ADAM7: variants seen among roughly 807,000 people sequenced by gnomAD.
The protein encoded by ADAM7 is ADAM metallopeptidase domain 7.
In ADAM7, 97 loss-of-function variants were observed where a neutral mutation model predicts 102.9. The observed-to-expected ratio is 0.94, with a 90% CI of 0.80 to 1.12. ADAM7 has a LOEUF of 1.12. Ranked by LOEUF, ADAM7 falls within the 50% of genes most tolerant of loss-of-function variation. The pLI is 0.00. For synonymous variants in ADAM7, 334 were observed against 304.4 expected (o/e 1.10, Z -1.01); for missense variants, 991 against 908.7 (o/e 1.09, Z -1.16).
chr8:24,481,242 C>T (rs1209739966), intron 8 of ADAM7, among the ~76,000 whole-genome samples: 1 of 152,104 alleles, frequency 6.6e-6, no homozygotes, highest in Non-Finnish European at 1.5e-5. Flanking sequence ...CCTCTACTGA[C>T]ACATGGAATT....
At position 24,507,464 on chromosome 8, in the gene ADAM7, A is replaced by T. The variant is rs968558041; in HGVS notation, c.2209-16A>T. ...TCTGATGTGGCACATGATACAACAT[A>T]ATTTATTTATTATAGAAACCTGCAA... On this transcript the variant is annotated splice_polypyrimidine_tract_variant and intron_variant, in intron 20 of 21. Transcript: ENST00000175238. 3.1e-6 allele frequency: 5 copies of T among 1,603,414 alleles called. No homozygotes were observed. The highest frequency in any genetic ancestry group is 1.1e-5 in the South Asian group (1 of 90,802).
chr8:24,507,179 GT>G (rs1334368101), intron 20 of ADAM7, among the ~76,000 whole-genome samples: 4 of 152,016 alleles, frequency 2.6e-5, no homozygotes, highest in Non-Finnish European at 1.5e-5. Flanking sequence ...CTTTAAAAGT[GT>G]TTGAAAATCT....
intron 14 of ADAM7, 88 bp from the exon 15 acceptor site, chr8:24,492,407 A>G: frequency 2.1e-6 from 2 of 973,768 alleles, no homozygotes; most frequent in Non-Finnish European, 3.1e-6. Context: ...TGATTCTGAA[A>G]GTTTAATTAC....
chr8:24,478,896 A>T (rs1819857022), intron 8 of ADAM7, among the ~76,000 whole-genome samples: 1 of 152,162 alleles, frequency 6.6e-6, no homozygotes, highest in Admixed American at 6.6e-5. Flanking sequence ...TTGCTAGGTC[A>T]TTAACATGCG....
chr8:24,454,537 T>G (rs1233888213), intron 3 of ADAM7, among the ~76,000 whole-genome samples: 1 of 152,142 alleles, frequency 6.6e-6, no homozygotes, highest in African/African-American at 2.4e-5. Context: ...AGTGACCCGA[T>G]TTTGCAGGTG....
In ADAM7 at chr8:24,501,539, G is replaced by C; in HGVS notation, c.2171G>C (p.Arg724Thr). Reference protein sequence around the residue: ...KGYFGDEQQIRTEPILPEIHF... With the variant: ...KGYFGDEQQITTEPILPEIHF... ...TACTTTGGTGATGAGCAGCAGATAAGGACTGAGCCAATCCTGCCAGAAATT... is the reference window on the plus strand; with the variant it reads ...TACTTTGGTGATGAGCAGCAGATAACGACTGAGCCAATCCTGCCAGAAATT... Residue 724 changes from arginine (R) to threonine (T), a missense_variant, in exon 20 of 22, where the codon AGG (arginine) becomes ACG (threonine). Arg to Thr is a moderately conservative substitution (Grantham distance 71). Transcript: ENST00000175238. 1 of 1,607,370 alleles carries C rather than the reference G, an allele frequency of 6.2e-7. No homozygotes were observed. Among genetic ancestry groups the C allele is most frequent in the Non-Finnish European group, 8.5e-7 (1 of 1,177,886 alleles).
intron 1 of ADAM7, 151 bp from the exon 2 acceptor site, chr8:24,442,322 T>C: frequency 1.5e-6 from 1 of 675,718 alleles, no homozygotes; most frequent in Non-Finnish European, 2.7e-6. Context: ...TCAATTTCCT[T>C]GCCAGTAAAG....
At chr8:24,445,699 T>C (rs1344000004) in intron 2 of ADAM7, among the ~76,000 whole-genome samples, 2 of 152,234 alleles carry the variant, frequency 1.3e-5, no homozygotes, top group Non-Finnish European at 2.9e-5. Flanking sequence ...GGCATGTTTC[T>C]GCCTAGATAT....
intron 2 of ADAM7, among the ~76,000 whole-genome samples, chr8:24,443,649 T>A (rs932006603): frequency 6.6e-6 from 1 of 152,060 alleles, no homozygotes; most frequent in African/African-American, 2.4e-5. Context: ...GTTAAAAATC[T>A]CATTATGGCT....
chr8:24,442,468 C>G lies in ADAM7; in HGVS notation c.53-5C>G, dbSNP rs376982805. 2 of 1,602,454 alleles carry G rather than the reference C, an allele frequency of 1.2e-6. No individual in the cohort carries two copies. Among genetic ancestry groups the G allele is most frequent in the African/African-American group, 2.7e-5 (2 of 74,618 alleles). On this transcript the variant is annotated splice_polypyrimidine_tract_variant and splice_region_variant and intron_variant, in intron 1 of 21. Transcript: ENST00000175238. ...CGGATTTTTTCCTCTTATGTTTCCT[C>G]GTAGAAAAGTTCATCCTTGGAGTAG...
intron 18 of ADAM7, 64 bp from the exon 19 acceptor site, chr8:24,500,726 T>C: frequency 3.0e-6 from 4 of 1,318,522 alleles, no homozygotes; most frequent in Non-Finnish European, 4.3e-6. Flanking sequence ...CTCCATTAAA[T>C]GTTAATATTC....
At chr8:24,449,505 T>G (rs1431007493) in intron 3 of ADAM7, among the ~76,000 whole-genome samples, 3 of 152,214 alleles carry the variant, frequency 2.0e-5, no homozygotes, top group Admixed American at 6.5e-5. Context: ...GGGTTGTTTT[T>G]TTCTTGTAAA....
chr8:24,454,406 A>G (rs1818922562), intron 3 of ADAM7, among the ~76,000 whole-genome samples: 1 of 152,044 alleles, frequency 6.6e-6, no homozygotes, highest in African/African-American at 2.4e-5. Context: ...TTGATCTCAG[A>G]CTGCTGTGCT....
intron 7 of ADAM7, 62 bp downstream of exon 7, chr8:24,468,882 C>G: frequency 6.9e-7 from 1 of 1,453,064 alleles, no homozygotes; most frequent in South Asian, 1.2e-5. Flanking sequence ...AGTTATCATT[C>G]TAGCATAGAG....
At chr8:24,446,767 T>C (rs975781606) in intron 2 of ADAM7, among the ~76,000 whole-genome samples, 1 of 151,476 alleles carries the variant, frequency 6.6e-6, no homozygotes, top group Admixed American at 6.6e-5. Flanking sequence ...ATATGGTAAA[T>C]GGTGTATCCT....
chr8:24,488,340 A>T (rs531938357), intron 11 of ADAM7, among the ~76,000 whole-genome samples: 86 of 152,262 alleles, frequency 5.6e-4, no homozygotes, highest in African/African-American at 2.0e-3. Context: ...TAAGTTTTGC[A>T]CATCTTTGAA....
chr8:24,471,341 A>T (rs962075807), intron 7 of ADAM7, among the ~76,000 whole-genome samples: 2 of 152,016 alleles, frequency 1.3e-5, no homozygotes, highest in Non-Finnish European at 1.5e-5. Flanking sequence ...TACAAAGTCC[A>T]CCGTAGGGTA....
chr8:24,497,185 C>T (rs1820589158), intron 16 of ADAM7, among the ~76,000 whole-genome samples: 1 of 152,128 alleles, frequency 6.6e-6, no homozygotes, highest in Non-Finnish European at 1.5e-5. Flanking sequence ...GTGACTTGCT[C>T]CTCCTTGCTT....
chr8:24,491,510 T>C (rs954691043), intron 13 of ADAM7, among the ~76,000 whole-genome samples: 1 of 152,180 alleles, frequency 6.6e-6, no homozygotes, highest in Non-Finnish European at 1.5e-5. Flanking sequence ...TATGCAGGAA[T>C]CTGATTTATT....
Sources: allele counts gnomAD v4.1 joint callset (sites outside exome capture counted in the v4.1 genomes callset), GRCh38; gene constraint gnomAD v4.1.1; transcripts MANE v1.5; gene names NCBI Gene and HGNC (gene_info 2026-07-23, HGNC 2026-07-21).